Variants in CWF19L2 observed in about 807,000 individuals in gnomAD.
The protein encoded by CWF19L2 is CWF19 like cell cycle control factor 2.
A neutral mutation model predicts 111.7 loss-of-function variants in CWF19L2; 98 were observed. That is an observed-to-expected ratio of 0.88 (90% CI 0.75 to 1.04). CWF19L2 has a LOEUF of 1.04. Ranked by LOEUF, CWF19L2 falls within the 50% of genes least tolerant of loss-of-function variation. The pLI is 0.00. For missense variants in CWF19L2, 1,101 were observed against 1,051.4 expected (o/e 1.05, Z -0.65); for synonymous variants, 351 against 342.9 (o/e 1.02, Z -0.26).
At chr11:107,387,068 C>T (rs940318722) in intron 12 of CWF19L2, among the ~76,000 whole-genome samples, 5 of 151,068 alleles carry the variant, frequency 3.3e-5, no homozygotes, top group Non-Finnish European at 7.4e-5. Flanking sequence ...AAAAAAAAGG[C>T]TAATGCATCC....
At chr11:107,396,696 A>G (rs1329946910) in intron 10 of CWF19L2, among the ~76,000 whole-genome samples, 4 of 152,170 alleles carry the variant, frequency 2.6e-5, no homozygotes, top group African/African-American at 4.8e-5. Flanking sequence ...GTAGCTCTGG[A>G]CAGAGCAGCA....
At chr11:107,362,525 C>G (rs905606124) in intron 12 of CWF19L2, among the ~76,000 whole-genome samples, 1 of 152,082 alleles carries the variant, frequency 6.6e-6, no homozygotes, top group African/African-American at 2.4e-5. Context: ...CCCTGACCCC[C>G]GAGCAGCCTA....
intron 10 of CWF19L2, among the ~76,000 whole-genome samples, chr11:107,412,961 A>C (rs1048941109): frequency 5.3e-5 from 8 of 152,232 alleles, no homozygotes; most frequent in African/African-American, 1.9e-4. Flanking sequence ...CGAGGTTGCC[A>C]GGAGTTAAGG....
intron 14 of CWF19L2, among the ~76,000 whole-genome samples, chr11:107,347,963 C>T (rs1860105378): frequency 6.6e-6 from 1 of 152,080 alleles, no homozygotes; most frequent in Admixed American, 6.6e-5. Context: ...ATTCTAAGAA[C>T]TGAATTTCCA....
chr11:107,388,617 T>G (rs1860805499), intron 12 of CWF19L2, among the ~76,000 whole-genome samples: 1 of 152,110 alleles, frequency 6.6e-6, no homozygotes, highest in Admixed American at 6.5e-5. Context: ...CCTGACCTCA[T>G]GATCTGCCTG....
chr11:107,413,447 G>T (rs1360139592), intron 10 of CWF19L2, among the ~76,000 whole-genome samples: 1 of 152,226 alleles, frequency 6.6e-6, no homozygotes, highest in Non-Finnish European at 1.5e-5. Context: ...CTGGTTATGT[G>T]TAAGTCTTGG....
intron 12 of CWF19L2, among the ~76,000 whole-genome samples, chr11:107,384,382 T>C (rs1316760988): frequency 6.6e-6 from 1 of 152,206 alleles, no homozygotes. Context: ...CTAATACATA[T>C]AGCCTGAAGG....
chr11:107,357,576 T>C (rs1860256759), intron 12 of CWF19L2, among the ~76,000 whole-genome samples: 1 of 152,208 alleles, frequency 6.6e-6, no homozygotes, highest in Non-Finnish European at 1.5e-5. Flanking sequence ...CTCTGATTTA[T>C]TTGTAGTGTT....
chr11:107,333,907 T>C (rs932397344), intron 16 of CWF19L2, among the ~76,000 whole-genome samples: 3 of 152,206 alleles, frequency 2.0e-5, no homozygotes, highest in Admixed American at 2.0e-4. Context: ...TAAAATACTT[T>C]AGGCTTCGCA....
intron 12 of CWF19L2, among the ~76,000 whole-genome samples, chr11:107,363,246 T>C (rs1225933844): frequency 6.6e-6 from 1 of 152,184 alleles, no homozygotes; most frequent in East Asian, 1.9e-4. Flanking sequence ...TGGAAAACAC[T>C]CTGCGGGATA....
intron 10 of CWF19L2, among the ~76,000 whole-genome samples, chr11:107,406,985 A>G (rs1002830989): frequency 6.6e-6 from 1 of 152,022 alleles, no homozygotes; most frequent in African/African-American, 2.4e-5. Context: ...TTGAGTAGAC[A>G]AGACCATAAT....
intron 14 of CWF19L2, among the ~76,000 whole-genome samples, 160 bp from the exon 15 acceptor site, chr11:107,336,873 TTA>T (rs1319458763): frequency 3.9e-5 from 6 of 152,282 alleles, no homozygotes; most frequent in Middle Eastern, 3.4e-3. Context: ...CTCTGCAATG[TTA>T]TAGTTACTTT....
At chr11:107,357,278 C>A (rs1167126432) in intron 12 of CWF19L2, among the ~76,000 whole-genome samples, 1 of 152,086 alleles carries the variant, frequency 6.6e-6, no homozygotes, top group Non-Finnish European at 1.5e-5. Flanking sequence ...GAATAAAGAG[C>A]TAGAAGAAAA....
chr11:107,437,140 A>C (rs1309868748), intron 6 of CWF19L2, among the ~76,000 whole-genome samples: 1 of 149,686 alleles, frequency 6.7e-6, no homozygotes, highest in Non-Finnish European at 1.5e-5. Context: ...ATTTAATCAT[A>C]CAAGTATCTG....
intron 6 of CWF19L2, among the ~76,000 whole-genome samples, chr11:107,436,360 T>C (rs1861541671): frequency 6.6e-6 from 1 of 152,120 alleles, no homozygotes. Flanking sequence ...ATCATATGCT[T>C]CCATCATAAC....
chr11:107,443,132 T>C (rs1301081851), intron 3 of CWF19L2, 83 bp from the exon 4 acceptor site: 3 of 926,950 alleles, frequency 3.2e-6, no homozygotes, highest in Non-Finnish European at 3.4e-6. Context: ...TGGTAGAAAT[T>C]CAACATCGTA....
chr11:107,412,711 T>C (rs2135394882), intron 10 of CWF19L2, among the ~76,000 whole-genome samples: 1 of 152,330 alleles, frequency 6.6e-6, no homozygotes, highest in Non-Finnish European at 1.5e-5. Flanking sequence ...GTTTTATTCA[T>C]AACTGCAAAA....
chr11:107,427,360 T>A (rs973765019), intron 8 of CWF19L2, among the ~76,000 whole-genome samples: 2 of 152,102 alleles, frequency 1.3e-5, no homozygotes, highest in African/African-American at 4.8e-5. Context: ...AAAAATTACA[T>A]GTATACATAC....
At chr11:107,344,945 G>A (rs905179423) in intron 14 of CWF19L2, among the ~76,000 whole-genome samples, 4 of 152,104 alleles carry the variant, frequency 2.6e-5, no homozygotes, top group Non-Finnish European at 5.9e-5. Context: ...TCAAAAATGG[G>A]AGAGGCTACT....
Sources: gnomAD v4.1 joint callset for allele counts (sites outside exome capture counted in the v4.1 genomes callset) on GRCh38, gnomAD v4.1.1 for gene constraint, MANE v1.5 for transcripts, NCBI Gene and HGNC (gene_info 2026-07-23, HGNC 2026-07-21) for gene names.